TUT4: variants seen among roughly 807,000 people sequenced by gnomAD.
TUT4 encodes the protein terminal uridylyl transferase 4, also known as terminal uridylyltransferase 4.
A neutral mutation model predicts 192.2 loss-of-function variants in TUT4; 36 were observed. That is an observed-to-expected ratio of 0.19 (90% CI 0.14 to 0.25). TUT4 has a LOEUF of 0.25. Among genes scored for constraint, TUT4 ranks in the 10% least tolerant of loss-of-function variants. The probability of loss-of-function intolerance (pLI) is 1.00; values close to 1 mark genes in which losing one functional copy is unlikely to be tolerated. For synonymous variants in TUT4, 618 were observed against 666.0 expected (o/e 0.93, Z 1.11); for missense variants, 1,493 against 1,957.2 (o/e 0.76, Z 4.47).
chr1:52,538,876 T>C (rs937018818), intron 1 of TUT4, among the ~76,000 whole-genome samples: 9 of 152,174 alleles, frequency 5.9e-5, no homozygotes, highest in African/African-American at 1.2e-4. Flanking sequence ...AAAGAGAGTG[T>C]TGAAGCCAGG....
chr1:52,482,012 GT>G, intron 9 of TUT4, 89 bp from the exon 10 acceptor site: 1 of 1,127,296 alleles, frequency 8.9e-7, no homozygotes, highest in Non-Finnish European at 1.2e-6. Flanking sequence ...CCTAATCATT[GT>G]AAAAAGTTCA....
chr1:52,524,798 G>A (rs1269404394), intron 2 of TUT4, among the ~76,000 whole-genome samples: 1 of 152,092 alleles, frequency 6.6e-6, no homozygotes, highest in Non-Finnish European at 1.5e-5. Flanking sequence ...GTAAGACTCT[G>A]TCTCAGAAAA....
chr1:52,489,439 T>C (rs17364950), intron 8 of TUT4, among the ~76,000 whole-genome samples: 9,326 of 152,252 alleles, frequency 0.061, 311 homozygotes, highest in South Asian at 0.086. Flanking sequence ...TACATGATAA[T>C]AGCAAAAAAT....
intron 1 of TUT4, among the ~76,000 whole-genome samples, chr1:52,533,027 A>G (rs1418421263): frequency 6.6e-6 from 1 of 152,224 alleles, no homozygotes. Context: ...ATAGGAATAA[A>G]CAACTAAATG....
At chr1:52,527,351 G>C (rs1682077375) in intron 1 of TUT4, among the ~76,000 whole-genome samples, 1 of 152,174 alleles carries the variant, frequency 6.6e-6, no homozygotes, top group Non-Finnish European at 1.5e-5. Flanking sequence ...TTCAAGACCA[G>C]CCTGACCAAC....
intron 1 of TUT4, among the ~76,000 whole-genome samples, chr1:52,542,825 G>A (rs182955921): frequency 0.01 from 1,559 of 151,644 alleles, 13 homozygotes; most frequent in Non-Finnish European, 0.014. Flanking sequence ...GCAATGGCAC[G>A]ATCTCGGCTC....
At chr1:52,489,566 C>T (rs1670632196) in intron 8 of TUT4, among the ~76,000 whole-genome samples, 1 of 152,144 alleles carries the variant, frequency 6.6e-6, no homozygotes, top group Admixed American at 6.5e-5. Flanking sequence ...CAGATTAACC[C>T]ACAAATTATA....
In TUT4 at chr1:52,435,365, A is replaced by C; in HGVS notation, c.4263T>G (p.Cys1421Trp). The C allele has an allele frequency of 6.2e-7, 1 of 1,612,724 alleles. No individual in the cohort carries two copies. Among genetic ancestry groups the C allele is most frequent in the Non-Finnish European group, 8.5e-7 (1 of 1,178,916 alleles). ...ACACATTCACAGGCAGAGTACTTAC[A>C]CATTCTGATGACTGTCTAGTCCTTA... ...QSIRTRQSSE[C>W]SESPSYSPQP... The change falls in exon 27 of 30, where the codon TGT becomes TGG. Residue 1421 changes from cysteine to tryptophan, a missense_variant and splice_region_variant. By Grantham distance (215) the Cys-to-Trp change is radical. Coordinates refer to ENST00000257177, the MANE Select transcript of TUT4 (RefSeq NM_001009881.3).
chr1:52,509,768 TTG>T, intron 3 of TUT4, 56 bp from the exon 4 acceptor site: 1 of 994,224 alleles, frequency 1.0e-6, no homozygotes, highest in Non-Finnish European at 1.6e-6. Context: ...GAGTAAACTA[TTG>T]ACTATATAAG....
At chr1:52,468,292 A>C (rs751998196) in intron 14 of TUT4, 25 bp from the exon 15 acceptor site, 3 of 1,531,412 alleles carry the variant, frequency 2.0e-6, no homozygotes, top group Non-Finnish European at 2.6e-6. Flanking sequence ...AGAAGAAAAA[A>C]GGAAAAAGAA....
intron 4 of TUT4, among the ~76,000 whole-genome samples, chr1:52,499,939 CATATATAT>C (rs963528910): frequency 3.3e-5 from 5 of 149,554 alleles, no homozygotes; most frequent in African/African-American, 1.2e-4. Context: ...CATATATATA[CATATATAT>C]ACACACACAC....
rs1178858588 is a variant in TUT4 at position 52,429,091 on chromosome 1, T to G, written c.4711+1922A>C. 2.0e-5 allele frequency among the ~76,000 whole-genome samples: 3 copies of G among 148,584 alleles called. No individual in the cohort carries two copies. In the East Asian group the frequency reaches 5.9e-4, roughly 29 times the overall value. ...AAAATTTCCATAATAGGTTTTTTTT[T>G]TTTTTTTTTTGAGATGGAGTCTCGC... On this transcript the variant is annotated intron_variant, in intron 28 of 29. Transcript: ENST00000257177.
intron 4 of TUT4, among the ~76,000 whole-genome samples, chr1:52,508,956 T>C (rs1190381132): frequency 6.6e-6 from 1 of 152,230 alleles, no homozygotes; most frequent in Non-Finnish European, 1.5e-5. Flanking sequence ...TCACATCATT[T>C]TCCCCCAGCT....
intron 20 of TUT4, among the ~76,000 whole-genome samples, chr1:52,455,916 T>C (rs1660798065): frequency 6.6e-6 from 1 of 152,142 alleles, no homozygotes; most frequent in Non-Finnish European, 1.5e-5. Flanking sequence ...TACTCGTACA[T>C]ATGATTCAGC....
In TUT4 at chr1:52,445,828, G is replaced by T. The variant is rs376906157; in HGVS notation, c.3781C>A (p.Leu1261Ile). The T allele has an allele frequency of 5.6e-6, 9 of 1,612,692 alleles. No individual in the cohort carries two copies. Among genetic ancestry groups the T allele is most frequent in the African/African-American group, 1.3e-5 (1 of 74,840 alleles). The part of the protein sequence containing the change: ...IMKAFINGRK[L>I]FGTPFYPLIG... ...AGTGGATAAAAAGGGGTACCAAAAA[G>T]TTTCCTTCCATTGATAAATGCTTTC... is the stretch of plus-strand genomic sequence containing the variant. The change falls in exon 24 of 30, where the codon CTT (leucine) becomes ATT (isoleucine). Residue 1261 changes from leucine to isoleucine, a missense_variant. By Grantham distance (5) the Leu-to-Ile change is conservative (BLOSUM62 2). This residue lies in a region of TUT4 where 141 missense variants were observed against 382.7 expected (regional missense o/e 0.37). Transcript: ENST00000257177.
At chr1:52,533,397 CAAT>C (rs780853523) in intron 1 of TUT4, among the ~76,000 whole-genome samples, 3 of 152,302 alleles carry the variant, frequency 2.0e-5, no homozygotes, top group Non-Finnish European at 4.4e-5. Flanking sequence ...ACATACCTAT[CAAT>C]AATTCATTGA....
At chr1:52,441,444 A>ATTTT (rs557710242) in intron 24 of TUT4, among the ~76,000 whole-genome samples, 4 of 119,984 alleles carry the variant, frequency 3.3e-5, no homozygotes, top group African/African-American at 7.3e-5. Flanking sequence ...TCTCGGCTAA[A>ATTTT]TTTTTTTTTT....
chr1:52,491,617 G>A (rs560537935), intron 7 of TUT4, among the ~76,000 whole-genome samples: 1 of 152,228 alleles, frequency 6.6e-6, no homozygotes, highest in Non-Finnish European at 1.5e-5. Context: ...AACCCAGGAG[G>A]CAGAGGTTGA....
intron 1 of TUT4, among the ~76,000 whole-genome samples, chr1:52,528,660 C>G (rs1361674550): frequency 1.3e-5 from 2 of 151,860 alleles, no homozygotes; most frequent in Non-Finnish European, 2.9e-5. Context: ...TAAAATGTAC[C>G]ATCTTTGATT....
Sources: gnomAD v4.1 joint callset for allele counts (sites outside exome capture counted in the v4.1 genomes callset) on GRCh38, gnomAD v4.1.1 for gene constraint, gnomAD v4.1.1 regional missense constraint, MANE v1.5 for transcripts, NCBI Gene and HGNC (gene_info 2026-07-23, HGNC 2026-07-21) for gene names.